The following MYO3B variants were observed in gnomAD, a reference collection of about 807,000 sequenced individuals.
MYO3B encodes the protein myosin-IIIb.
Under a neutral mutation model 174.6 loss-of-function variants are expected in MYO3B, and 156 were observed. The ratio of observed to expected loss-of-function variants is 0.89; its 90% CI spans 0.78 to 1.02. The LOEUF is 1.02. Among genes scored for constraint, MYO3B ranks in the 50% least tolerant of loss-of-function variants. The pLI is 0.00. For synonymous variants in MYO3B, 563 were observed against 569.1 expected, an observed-to-expected ratio of 0.99 and a Z score of 0.15; for missense variants, 1,632 against 1,639.4, an observed-to-expected ratio of 1.00 and a Z score of 0.08.
At chr2:170,558,663 T>C (rs2106246595) in intron 32 of MYO3B, among the ~76,000 whole-genome samples, 1 of 152,226 alleles carries the variant, frequency 6.6e-6, no homozygotes, top group East Asian at 1.9e-4. Flanking sequence ...GAGCACACTT[T>C]ATGCATTCAT....
chr2:170,506,586 C>G (rs772723337), intron 28 of MYO3B, among the ~76,000 whole-genome samples: 5 of 152,208 alleles, frequency 3.3e-5, no homozygotes, highest in Admixed American at 6.5e-5. Context: ...AACTCCAATA[C>G]AGAGCACTCT....
At chr2:170,436,231 C>G (rs749578946) in intron 22 of MYO3B, among the ~76,000 whole-genome samples, 1 of 152,142 alleles carries the variant, frequency 6.6e-6, no homozygotes, top group Non-Finnish European at 1.5e-5. Flanking sequence ...GGGCAATGAG[C>G]AATGCTTAGC....
chr2:170,429,449 A>G (rs924114553), intron 22 of MYO3B, among the ~76,000 whole-genome samples: 14 of 152,140 alleles, frequency 9.2e-5, no homozygotes, highest in African/African-American at 3.4e-4. Flanking sequence ...GACTTATGAT[A>G]CCTTAGCAAA....
intron 25 of MYO3B, among the ~76,000 whole-genome samples, chr2:170,476,184 G>T (rs1029331482): frequency 1.3e-5 from 2 of 152,244 alleles, no homozygotes; most frequent in Non-Finnish European, 2.9e-5. Flanking sequence ...CAGGAGCTGG[G>T]ACAAGCGCTG....
chr2:170,532,610 C>T (rs1236840074), intron 30 of MYO3B, among the ~76,000 whole-genome samples: 5 of 151,844 alleles, frequency 3.3e-5, no homozygotes, highest in Admixed American at 2.0e-4. Context: ...GTCAGGAGTT[C>T]GAGACCAGCC....
At chr2:170,272,145 C>T (rs75797504) in intron 7 of MYO3B, among the ~76,000 whole-genome samples, 2,775 of 149,672 alleles carry the variant, frequency 0.019, 91 homozygotes, top group African/African-American at 0.064. Flanking sequence ...AAAGCTTGGT[C>T]TCTGAACCGA....
intron 8 of MYO3B, among the ~76,000 whole-genome samples, chr2:170,335,930 TA>T (rs1320757732): frequency 6.6e-6 from 1 of 152,014 alleles, no homozygotes; most frequent in Non-Finnish European, 1.5e-5. Context: ...GGTACCAAGG[TA>T]AGGTATCCCA....
At chr2:170,549,823 A>T (rs1358938819) in intron 32 of MYO3B, among the ~76,000 whole-genome samples, 1 of 152,216 alleles carries the variant, frequency 6.6e-6, no homozygotes, top group Non-Finnish European at 1.5e-5. Context: ...CCTCAGATCC[A>T]TGCAACAGAA....
chr2:170,254,898 G>A (rs1286765930), intron 7 of MYO3B, among the ~76,000 whole-genome samples: 1 of 152,198 alleles, frequency 6.6e-6, no homozygotes, highest in South Asian at 2.1e-4. Flanking sequence ...AGCAATCTGG[G>A]TGCAGAAGGT....
intron 8 of MYO3B, among the ~76,000 whole-genome samples, chr2:170,337,053 A>G (rs1447485788): frequency 1.3e-5 from 2 of 151,858 alleles, no homozygotes; most frequent in Non-Finnish European, 2.9e-5. Flanking sequence ...TGCAGAATGC[A>G]CTAGGAGCAG....
chr2:170,183,060 A>G (rs1559280281), intron 1 of MYO3B, among the ~76,000 whole-genome samples: 1 of 152,052 alleles, frequency 6.6e-6, no homozygotes, highest in Non-Finnish European at 1.5e-5. Flanking sequence ...GTTCAAGACC[A>G]GCCTGGGCAA....
At chr2:170,581,716 T>C (rs535626991) in intron 32 of MYO3B, among the ~76,000 whole-genome samples, 5 of 152,332 alleles carry the variant, frequency 3.3e-5, no homozygotes, top group Non-Finnish European at 7.3e-5. Context: ...GTGCATCCTT[T>C]CCCTATTAGA....
intron 7 of MYO3B, among the ~76,000 whole-genome samples, chr2:170,300,844 G>C (rs963745631): frequency 9.2e-5 from 14 of 152,120 alleles, no homozygotes; most frequent in African/African-American, 3.4e-4. Flanking sequence ...GGGTTTTTTT[G>C]TCTGTTTGTT....
intron 9 of MYO3B, among the ~76,000 whole-genome samples, chr2:170,375,764 A>G (rs1465998348): frequency 6.6e-6 from 1 of 151,950 alleles, no homozygotes; most frequent in Non-Finnish European, 1.5e-5. Context: ...CATATTATAT[A>G]CACTAATGGG....
At chr2:170,613,875 G>A (rs1040179225) in intron 32 of MYO3B, among the ~76,000 whole-genome samples, 1 of 152,150 alleles carries the variant, frequency 6.6e-6, no homozygotes, top group Admixed American at 6.5e-5. Flanking sequence ...GGACTCAGCT[G>A]ACTCTCCTTG....
intron 23 of MYO3B, among the ~76,000 whole-genome samples, chr2:170,462,315 A>G (rs539113612): frequency 3.7e-4 from 57 of 152,218 alleles, no homozygotes; most frequent in Non-Finnish European, 7.3e-4. Flanking sequence ...TTGTTTTTCT[A>G]GGTTTTGAAA....
At chr2:170,346,953 T>C (rs1364309202) in intron 8 of MYO3B, among the ~76,000 whole-genome samples, 1 of 152,218 alleles carries the variant, frequency 6.6e-6, no homozygotes, top group African/African-American at 2.4e-5. Context: ...CTCATACTTT[T>C]GTGGACCTGC....
intron 32 of MYO3B, among the ~76,000 whole-genome samples, chr2:170,636,345 A>AAAT (rs10656145): frequency 0.023 from 3,506 of 152,148 alleles, 138 homozygotes; most frequent in African/African-American, 0.079. Flanking sequence ...GCCACGCTGG[A>AAAT]AATAACATAA....
chr2:170,580,542 G>A (rs1693064770), intron 32 of MYO3B, among the ~76,000 whole-genome samples: 1 of 152,208 alleles, frequency 6.6e-6, no homozygotes, highest in South Asian at 2.1e-4. Flanking sequence ...GGAGGCTGAG[G>A]CAGGAGAATC....
Sources: gnomAD v4.1 joint callset for allele counts (sites outside exome capture counted in the v4.1 genomes callset) on GRCh38, gnomAD v4.1.1 for gene constraint, MANE v1.5 for transcripts, NCBI Gene and HGNC (gene_info 2026-07-23, HGNC 2026-07-21) for gene names.